Variants in ALPK3 observed in about 807,000 individuals in gnomAD.
ALPK3 encodes alpha kinase 3.
ALPK3 carries 102 observed loss-of-function variants against 140.0 expected under a neutral mutation model. That is an observed-to-expected ratio of 0.73 (90% CI 0.62 to 0.86). ALPK3 has a LOEUF of 0.86. Among genes scored for constraint, ALPK3 ranks in the 40% least tolerant of loss-of-function variants. The pLI is 0.00. For missense variants in ALPK3, 2,254 were observed against 2,208.2 expected, an observed-to-expected ratio of 1.02 and a Z score of -0.42; for synonymous variants, 938 against 898.5, an observed-to-expected ratio of 1.04 and a Z score of -0.79.
At chr15:84,819,294 C>T (rs935608981) in intron 1 of ALPK3, among the ~76,000 whole-genome samples, 1 of 152,218 alleles carries the variant, frequency 6.6e-6, no homozygotes, top group African/African-American at 2.4e-5. Context: ...GAGTCTCTTT[C>T]ATCAAGTATC....
chr15:84,857,424 A>C lies in ALPK3; in HGVS notation c.2686A>C (p.Thr896Pro). The C allele has an allele frequency of 6.2e-7, 1 of 1,614,054 alleles. No individual in the cohort carries two copies. The highest frequency in any genetic ancestry group is 1.3e-5 in the African/African-American group (1 of 75,060). ...TPTSQHGSTATFLPSEDQVLM... is the reference protein window; with the variant it reads ...TPTSQHGSTAPFLPSEDQVLM... Reference sequence around the variant, plus strand: ...GACTTCTCAGCACGGGAGCACAGCCACCTTCCTGCCCTCTGAGGATCAGGT... The same window carrying C: ...GACTTCTCAGCACGGGAGCACAGCCCCCTTCCTGCCCTCTGAGGATCAGGT... The change falls in exon 6 of 14, where the codon ACC becomes CCC. Residue 896 changes from threonine to proline, a missense_variant. By Grantham distance (38) the Thr-to-Pro change is conservative. Around this residue, in one of 3 missense-constraint regions of ALPK3, gnomAD observed 2,088 missense variants for 2,022.9 expected, o/e 1.03. Coordinates refer to ENST00000258888, the MANE Select transcript of ALPK3 (RefSeq NM_020778.5).
chr15:84,871,589 T>C lies in ALPK3; in HGVS notation c.*3133T>C, dbSNP rs955019377. On this transcript the variant is annotated 3_prime_UTR_variant, in exon 14 of 14. Coordinates refer to ENST00000258888, the MANE Select transcript of ALPK3 (RefSeq NM_020778.5). Reference sequence around the variant, plus strand: ...TTGAGATCTAGCAATAGCAGGGCCATGTCCACACTGCGTCCTATCCCTGAA... The same window carrying C: ...TTGAGATCTAGCAATAGCAGGGCCACGTCCACACTGCGTCCTATCCCTGAA... 2.0e-5 allele frequency: 3 copies of C among 152,256 alleles called. No individual in the cohort carries two copies. The highest frequency in any genetic ancestry group is 6.5e-5 in the Admixed American group (1 of 15,286). The allele number at this position is 152,256 out of a possible 1,614,324, so 9.4% of individuals were successfully genotyped here.
At chr15:84,823,276 C>A in intron 1 of ALPK3, 54 bp from the exon 2 acceptor site, 1 of 1,604,406 alleles carries the variant, frequency 6.2e-7, no homozygotes, top group Non-Finnish European at 8.5e-7. Flanking sequence ...TTGATTTCGC[C>A]TACTTCCTTC....
rs1454209409 is a variant in ALPK3 at position 84,840,772 on chromosome 15, C to T, written c.1493C>T (p.Pro498Leu). 3 of 1,614,120 alleles carry T rather than the reference C, an allele frequency of 1.9e-6. No homozygotes were observed. In the African/African-American group the frequency reaches 4.0e-5, roughly 22 times the overall value. ...PKGEATTDSK[P>L]ISSLSQAPEC... The stretch of plus-strand genomic sequence containing the variant: ...GGAGAGGCCACCACTGACAGCAAGC[C>T]CATTTCTTCTCTGAGTCAAGCTCCA... Residue 498 changes from proline (P) to leucine (L), a missense_variant, in exon 5 of 14, where the codon CCC becomes CTC. Transcript: ENST00000258888.
chr15:84,857,472 C>T lies in ALPK3; in HGVS notation c.2734C>T (p.Leu912=), dbSNP rs554665628. Residue 912 remains leucine (L), a synonymous_variant, in exon 6 of 14, where the codon CTG becomes TTG. Transcript: ENST00000258888. The stretch of plus-strand genomic sequence containing the variant: ...GGTCCTGATGAGTTCTGCCCCAACA[C>T]TGCACCTGGGGCTGGGGACCCCCAC... ...DQVLMSSAPT[L]HLGLGTPTQS... is the part of the protein sequence containing the mutation. 1 of 1,610,460 alleles carries T rather than the reference C, an allele frequency of 6.2e-7. No individual in the cohort carries two copies. The highest frequency in any genetic ancestry group is 1.1e-5 in the South Asian group (1 of 90,722).
chr15:84,867,239 G>A, intron 12 of ALPK3, 78 bp from the exon 13 acceptor site: 1 of 1,431,028 alleles, frequency 7.0e-7, no homozygotes, highest in Non-Finnish European at 9.6e-7. Context: ...AAGCCACCCA[G>A]TATATCTTCC....
chr15:84,859,728 G>A, intron 7 of ALPK3, 48 bp from the exon 8 acceptor site: 1 of 1,573,356 alleles, frequency 6.4e-7, no homozygotes, highest in African/African-American at 1.3e-5. Flanking sequence ...TAGGACCACA[G>A]TCTGCCCCCA....
chr15:84,826,253 C>G (rs1199590817), intron 2 of ALPK3, among the ~76,000 whole-genome samples: 1 of 152,218 alleles, frequency 6.6e-6, no homozygotes, highest in African/African-American at 2.4e-5. Context: ...GGTTCTAGAT[C>G]CTGTTTGCTT....
At position 84,856,462 on chromosome 15, in the gene ALPK3, G is replaced by A; in HGVS notation, c.1724G>A (p.Gly575Glu). The A allele has an allele frequency of 1.2e-6, 2 of 1,614,022 alleles. No homozygotes were observed. The highest frequency in any genetic ancestry group is 1.7e-6 in the Non-Finnish European group (2 of 1,179,954). The change falls in exon 6 of 14, where the codon GGG becomes GAG. Residue 575 changes from glycine to glutamate, a missense_variant. By Grantham distance (98) the Gly-to-Glu change is moderately conservative. Around this residue, in one of 3 missense-constraint regions of ALPK3, gnomAD observed 2,088 missense variants for 2,022.9 expected, o/e 1.03. Coordinates refer to ENST00000258888, the MANE Select transcript of ALPK3 (RefSeq NM_020778.5). The stretch of plus-strand genomic sequence containing the variant: ...AGCAGCTCTGATGTAGCCTCCATTG[G>A]GGTTAGCACTTCCGGAAGTCAAGGT... ...ASSSSDVASI[G>E]VSTSGSQGII...
chr15:84,837,195 G>C (rs920628324), intron 3 of ALPK3, among the ~76,000 whole-genome samples: 1 of 152,210 alleles, frequency 6.6e-6, no homozygotes, highest in African/African-American at 2.4e-5. Context: ...TGAGAGCAGG[G>C]GCTGGAGGAG....
chr15:84,827,382 A>G (rs1274621791), intron 2 of ALPK3, 102 bp from the exon 3 acceptor site: 13 of 1,526,454 alleles, frequency 8.5e-6, no homozygotes, highest in Non-Finnish European at 1.2e-5. Flanking sequence ...TGGCCACAGG[A>G]AGATGGGCAG....
chr15:84,826,468 G>A (rs1000066551), intron 2 of ALPK3, among the ~76,000 whole-genome samples: 1 of 152,196 alleles, frequency 6.6e-6, no homozygotes, highest in South Asian at 2.1e-4. Flanking sequence ...GCCTGGGGAG[G>A]GAGGGCCGGG....
intron 5 of ALPK3, 30 bp from the exon 6 acceptor site, chr15:84,856,362 A>C: frequency 6.4e-7 from 1 of 1,561,522 alleles, no homozygotes; most frequent in Non-Finnish European, 8.6e-7. Flanking sequence ...CCATGTAGTT[A>C]AATCCTTGCT....
In ALPK3 at chr15:84,862,615, T is replaced by C. The variant is rs774505563; in HGVS notation, c.4130-20T>C. The C allele has an allele frequency of 1.9e-6, 3 of 1,585,030 alleles. No homozygotes were observed. The highest frequency in any genetic ancestry group is 2.6e-6 in the Non-Finnish European group (3 of 1,161,236). ...AGACAGGAGCTCCTGGTCTCCCACA[T>C]TTCTCCTGTTCCCCTTCAGTTGGAG... On this transcript the variant is annotated intron_variant, in intron 9 of 13. Coordinates refer to ENST00000258888, the MANE Select transcript of ALPK3 (RefSeq NM_020778.5).
chr15:84,857,810 G>T lies in ALPK3; in HGVS notation c.3072G>T (p.Val1024=). 1 of 1,611,340 alleles carries T rather than the reference G, an allele frequency of 6.2e-7. No homozygotes were observed. The highest frequency in any genetic ancestry group is 1.1e-5 in the South Asian group (1 of 90,958). ...ILERVENNHL[V]QSAQTLLLSP... Reference sequence around the variant, plus strand: ...AGCGTGTGGAGAACAACCACCTGGTGCAGAGTGCACAGACCCTGCTGCTGA... The same window carrying T: ...AGCGTGTGGAGAACAACCACCTGGTTCAGAGTGCACAGACCCTGCTGCTGA... The change falls in exon 6 of 14, where the codon GTG becomes GTT. Residue 1024 remains valine (V), a synonymous_variant. Transcript: ENST00000258888.
intron 5 of ALPK3, among the ~76,000 whole-genome samples, chr15:84,847,310 A>G (rs185099255): frequency 6.6e-6 from 1 of 151,870 alleles, no homozygotes; most frequent in Non-Finnish European, 1.5e-5. Context: ...AAAAAGTCTA[A>G]CATTTGTGTC....
intron 9 of ALPK3, among the ~76,000 whole-genome samples, chr15:84,862,146 C>T (rs1023925950): frequency 3.3e-5 from 5 of 152,222 alleles, no homozygotes; most frequent in South Asian, 2.1e-4. Flanking sequence ...TTATATTTAG[C>T]GGTCACAATT....
In ALPK3 at chr15:84,820,420, A is replaced by G. The variant is rs150339219; in HGVS notation, c.143+2825A>G. Among the ~76,000 whole-genome samples the G allele has an allele frequency of 3.3e-5, 5 of 152,234 alleles. No homozygotes were observed. In the East Asian group the frequency reaches 9.6e-4, roughly 29 times the overall value. On this transcript the variant is annotated intron_variant, in intron 1 of 13. Transcript: ENST00000258888. The stretch of plus-strand genomic sequence containing the variant: ...AAAGCCAGGAGGGATGGAGGCCCCC[A>G]GCTTTCGTGGTCAGTTCTAGTTTTC...
At chr15:84,821,337 C>G (rs2141544729) in intron 1 of ALPK3, among the ~76,000 whole-genome samples, 1 of 152,338 alleles carries the variant, frequency 6.6e-6, no homozygotes, top group Non-Finnish European at 1.5e-5. Context: ...TCCCAGCTCA[C>G]TTCTTGACCA....
Sources: allele counts gnomAD v4.1 joint callset (sites outside exome capture counted in the v4.1 genomes callset), GRCh38; gene constraint gnomAD v4.1.1; regional missense constraint gnomAD v4.1.1; transcripts MANE v1.5; gene names NCBI Gene and HGNC (gene_info 2026-07-23, HGNC 2026-07-21).